The following PREP variants were observed in gnomAD, a reference collection of about 807,000 sequenced individuals.
PREP encodes dJ355L5.1 (prolyl endopeptidase).
In PREP, 29 loss-of-function variants were observed where a neutral mutation model predicts 87.6. The observed-to-expected ratio is 0.33, with a 90% CI of 0.25 to 0.45. The LOEUF (loss-of-function observed/expected upper bound fraction) is 0.45. PREP is among the 20% of genes least tolerant of loss of function. The pLI is 1.00. For missense variants in PREP, 695 were observed against 886.5 expected (o/e 0.78, Z 2.74); for synonymous variants, 337 against 328.6 (o/e 1.03, Z -0.28).
intron 10 of PREP, among the ~76,000 whole-genome samples, chr6:105,290,124 T>C (rs1770270313): frequency 1.3e-5 from 2 of 152,202 alleles, no homozygotes; most frequent in African/African-American, 2.4e-5. Flanking sequence ...ATTTGGCATC[T>C]GACGAATCAT....
chr6:105,335,890 G>A (rs9500083), intron 7 of PREP, among the ~76,000 whole-genome samples: 14,729 of 151,786 alleles, frequency 0.097, 1,144 homozygotes, highest in African/African-American at 0.21. Context: ...GTGAGACTCC[G>A]TCTCAAAAAA....
intron 7 of PREP, among the ~76,000 whole-genome samples, chr6:105,337,010 A>C (rs575079961): frequency 2.0e-5 from 3 of 152,022 alleles, no homozygotes; most frequent in African/African-American, 7.2e-5. Context: ...TCATTTTCCC[A>C]ATCTGGCAGG....
chr6:105,338,650 G>A (rs1281695054), intron 7 of PREP, among the ~76,000 whole-genome samples: 2 of 152,214 alleles, frequency 1.3e-5, no homozygotes, highest in African/African-American at 2.4e-5. Flanking sequence ...AAGGGAAGCC[G>A]TGACAGACGG....
chr6:105,324,022 A>G (rs1771084622), intron 9 of PREP, among the ~76,000 whole-genome samples: 1 of 152,242 alleles, frequency 6.6e-6, no homozygotes, highest in African/African-American at 2.4e-5. Context: ...AACACTAGTA[A>G]GTATATACAT....
In PREP at chr6:105,278,475, A is replaced by G; in HGVS notation, c.1839-37T>C. ...AAACACCTTTGTGAGGCTGGAGAGC[A>G]ACAGTAGAGTTTTATGGCACAGGGA... On this transcript the variant is annotated intron_variant, in intron 14 of 14. Transcript: ENST00000652536. This position sits in a 1 kb window ranked among gnomAD's most constrained non-coding sequence, Gnocchi z 4.2. The G allele has an allele frequency of 1.9e-6, 3 of 1,576,938 alleles. No homozygotes were observed. Among genetic ancestry groups the G allele is most frequent in the Non-Finnish European group, 2.6e-6 (3 of 1,153,954 alleles).
chr6:105,283,857 G>T lies in PREP; in HGVS notation c.1550-1275C>A, dbSNP rs138012501. On this transcript the variant is annotated intron_variant, in intron 12 of 14. Transcript: ENST00000652536. ...CTTGGTTCTAACTAATAAAAAATGA[G>T]AGAGCAGACTAGGACCAAATTACTC... Among the ~76,000 whole-genome samples the T allele has an allele frequency of 3.7e-4, 57 of 152,168 alleles. 1 individual carries two copies. Among genetic ancestry groups the T allele is most frequent in the Non-Finnish European group, 1.5e-5 (1 of 68,028 alleles).
chr6:105,342,488 T>C (rs1198585644), intron 7 of PREP, among the ~76,000 whole-genome samples: 1 of 152,166 alleles, frequency 6.6e-6, no homozygotes, highest in African/African-American at 2.4e-5. Flanking sequence ...AGGGATGCCC[T>C]CTCTCGCCAC....
chr6:105,391,034 T>TACACACAC (rs59538588), intron 2 of PREP, among the ~76,000 whole-genome samples: 2,224 of 141,352 alleles, frequency 0.016, 22 homozygotes, highest in African/African-American at 0.019. Flanking sequence ...TCTGGTTTTA[T>TACACACAC]ACACACACAC....
chr6:105,344,750 G>A (rs1298714198), intron 7 of PREP, among the ~76,000 whole-genome samples: 1 of 152,142 alleles, frequency 6.6e-6, no homozygotes, highest in Non-Finnish European at 1.5e-5. Context: ...AATGGGTGCA[G>A]CACACCAACA....
intron 4 of PREP, 134 bp from the exon 5 acceptor site, chr6:105,373,712 T>C: frequency 1.1e-6 from 1 of 926,282 alleles, no homozygotes; most frequent in Non-Finnish European, 1.6e-6. Context: ...AATCTGGTAG[T>C]GAGGAATCCC....
chr6:105,368,872 T>C, intron 6 of PREP, 31 bp downstream of exon 6: 1 of 1,611,704 alleles, frequency 6.2e-7, no homozygotes, highest in African/African-American at 1.3e-5. Context: ...AACACAGTCT[T>C]TGGGGGTAAA....
intron 10 of PREP, among the ~76,000 whole-genome samples, chr6:105,320,188 C>A (rs1270016414): frequency 6.6e-6 from 1 of 152,094 alleles, no homozygotes; most frequent in African/African-American, 2.4e-5. Context: ...GTATCATTCA[C>A]AATAAAAAGC....
intron 12 of PREP, among the ~76,000 whole-genome samples, chr6:105,283,754 T>A (rs1770128805): frequency 6.6e-6 from 1 of 152,190 alleles, no homozygotes. Flanking sequence ...TTGAGGAAGT[T>A]TATAAATCAG....
At chr6:105,344,120 A>C (rs527336053) in intron 7 of PREP, among the ~76,000 whole-genome samples, 27 of 152,324 alleles carry the variant, frequency 1.8e-4, no homozygotes, top group African/African-American at 5.1e-4. Context: ...TGGAACCAAC[A>C]CAAATGTCCA....
chr6:105,389,249 C>G (rs1773079380), intron 2 of PREP, among the ~76,000 whole-genome samples: 1 of 152,144 alleles, frequency 6.6e-6, no homozygotes, highest in African/African-American at 2.4e-5. Context: ...GTTGTTATAA[C>G]TGGGAGCTAA....
chr6:105,306,958 A>C (rs568165722), intron 10 of PREP, among the ~76,000 whole-genome samples: 3 of 152,202 alleles, frequency 2.0e-5, no homozygotes, highest in South Asian at 2.1e-4. Flanking sequence ...GCTTTTGTAC[A>C]AGCTATTCAT....
chr6:105,275,403 T>C lies in PREP; in HGVS notation c.*2741A>G, dbSNP rs1470057253. On this transcript the variant is annotated 3_prime_UTR_variant, in exon 15 of 15. Coordinates refer to ENST00000652536, the MANE Select transcript of PREP (RefSeq NM_002726.5). ...TTTTATAATATTCCAGGTAAGTCCA[T>C]AGTGAACATAAATGTGACTTTATCT... 6.6e-6 allele frequency among the ~76,000 whole-genome samples: 1 copy of C among 152,222 alleles called. No individual in the cohort carries two copies. Among genetic ancestry groups the C allele is most frequent in the African/African-American group, 2.4e-5 (1 of 41,460 alleles).
Position 105,282,484 on chromosome 6 carries a change from T to TAGTC in PREP, c.1644_1647dup (p.Ile550AspfsTer3), listed in dbSNP as rs750966629. The TAGTC allele has an allele frequency of 6.2e-7, 1 of 1,614,100 alleles. No individual in the cohort carries two copies. Among genetic ancestry groups the TAGTC allele is most frequent in the South Asian group, 1.1e-5 (1 of 91,068 alleles). ...AGGCCTCCATTTGAACCTCCATTAA[T>TAGTC]AGTCAGCCTCTTGGGAGATGTGTAA... On this transcript the variant is annotated frameshift_variant, in exon 13 of 15. Transcript: ENST00000652536. LOFTEE classifies it high-confidence loss of function.
At chr6:105,385,247 T>TTAA (rs1772958566) in intron 2 of PREP, among the ~76,000 whole-genome samples, 2 of 149,376 alleles carry the variant, frequency 1.3e-5, no homozygotes, top group African/African-American at 2.5e-5. Context: ...AACTAGAAGC[T>TTAA]TTTAAGCATG....
Sources: gnomAD v4.1 joint callset for allele counts (sites outside exome capture counted in the v4.1 genomes callset) on GRCh38, gnomAD v4.1.1 for gene constraint, Gnocchi (gnomAD v3.1) non-coding constraint, MANE v1.5 for transcripts, NCBI Gene and HGNC (gene_info 2026-07-23, HGNC 2026-07-21) for gene names.